The following SBNO1 variants were observed in gnomAD, a reference collection of about 807,000 sequenced individuals.
The protein encoded by SBNO1 is protein strawberry notch homolog 1.
Under a neutral mutation model 173.6 loss-of-function variants are expected in SBNO1, and 23 were observed. That is an observed-to-expected ratio of 0.13 (90% CI 0.10 to 0.19). The LOEUF is 0.19. Ranked by LOEUF, SBNO1 falls within the 10% of genes least tolerant of loss-of-function variation. The pLI, the probability that SBNO1 is intolerant of heterozygous loss-of-function variation, is 1.00. For missense variants in SBNO1, 1,238 were observed against 1,671.2 expected (o/e 0.74, Z 4.52); for synonymous variants, 632 against 571.5 (o/e 1.11, Z -1.51).
At chr12:123,352,709 A>C (rs555887841) in intron 1 of SBNO1, among the ~76,000 whole-genome samples, 1 of 152,352 alleles carries the variant, frequency 6.6e-6, no homozygotes, top group South Asian at 2.1e-4. Flanking sequence ...GTTCTAATGG[A>C]AACATGAGTG....
chr12:123,331,468 G>GTTATT, intron 7 of SBNO1, 93 bp from the exon 8 acceptor site: 3 of 560,526 alleles, frequency 5.4e-6, no homozygotes, highest in Non-Finnish European at 8.1e-6. Context: ...AATATGTTAT[G>GTTATT]TTTTTTGTTT....
chr12:123,352,833 T>C (rs1411096833), intron 1 of SBNO1, among the ~76,000 whole-genome samples: 7 of 152,148 alleles, frequency 4.6e-5, no homozygotes, highest in African/African-American at 1.7e-4. Context: ...AGTCTAGCTC[T>C]GTCACCCAGG....
At chr12:123,304,496 A>G (rs2048868862) in intron 29 of SBNO1, 86 bp downstream of exon 29, 5 of 1,059,644 alleles carry the variant, frequency 4.7e-6, no homozygotes, top group Non-Finnish European at 7.0e-6. Flanking sequence ...TCGGCCTCCC[A>G]AAGTGCTGAG....
chr12:123,342,141 C>T (rs1872641224), intron 4 of SBNO1, among the ~76,000 whole-genome samples: 1 of 152,046 alleles, frequency 6.6e-6, no homozygotes, highest in Non-Finnish European at 1.5e-5. Context: ...ATCCCAGCTA[C>T]TTGGGAGGCT....
chr12:123,311,552 G>A (rs573731050), intron 24 of SBNO1, among the ~76,000 whole-genome samples: 9 of 151,586 alleles, frequency 5.9e-5, no homozygotes, highest in Non-Finnish European at 8.8e-5. Context: ...TCGGGGTTTC[G>A]CCATGTTGGC....
At chr12:123,358,980 T>C (rs1874798095) in intron 1 of SBNO1, among the ~76,000 whole-genome samples, 2 of 151,628 alleles carry the variant, frequency 1.3e-5, no homozygotes, top group Non-Finnish European at 2.9e-5. Context: ...TCACCCAGGA[T>C]GGAGGGCAGA....
intron 30 of SBNO1, among the ~76,000 whole-genome samples, chr12:123,302,104 A>AT (rs200618906): frequency 8.2e-5 from 12 of 147,196 alleles, no homozygotes; most frequent in Middle Eastern, 3.5e-3. Context: ...CACCCAGCTA[A>AT]TTTTTTTTTT....
intron 3 of SBNO1, 34 bp downstream of exon 3, chr12:123,347,995 T>TTTAGAAGTAACGACGAATCTAAATCATTC: frequency 1.5e-6 from 2 of 1,357,586 alleles, no homozygotes; most frequent in Non-Finnish European, 2.1e-6. Context: ...TCTAAACTAT[T>TTTAGAAGTAACGACGAATCTAAATCATTC]TTAGAAGTAA....
Position 123,298,534 on chromosome 12 carries a change from C to T in SBNO1, c.3846-363G>A, listed in dbSNP as rs545105677. On this transcript the variant is annotated intron_variant, in intron 30 of 31. Coordinates refer to ENST00000602398, the MANE Select transcript of SBNO1 (RefSeq NM_001167856.3). ...CTTCCCAAAGGGCCGGGATTACAGG[C>T]GTGAGCCACCGCTCTTGGCCTCAAA... Among the ~76,000 whole-genome samples, 19 of 152,290 alleles carry T rather than the reference C, an allele frequency of 1.2e-4. No homozygotes were observed. In the South Asian group the frequency reaches 2.5e-3, roughly 20 times the overall value.
At chr12:123,335,282 T>C (rs189336368) in intron 6 of SBNO1, among the ~76,000 whole-genome samples, 2 of 152,076 alleles carry the variant, frequency 1.3e-5, no homozygotes, top group African/African-American at 4.8e-5. Context: ...CTACTAAAAA[T>C]ACAAAAATCA....
In SBNO1 at chr12:123,362,954, G is replaced by A. The variant is rs574741133; in HGVS notation, c.-1+1747C>T. Among the ~76,000 whole-genome samples the A allele has an allele frequency of 2.2e-4, 34 of 151,880 alleles. No individual in the cohort carries two copies. In the East Asian group the frequency reaches 5.6e-3, roughly 25 times the overall value. Reference sequence around the variant, plus strand: ...AAAAAAAAAATTAGCTGCTGTAGTGGTGCACATCTGTAGTCCCAGCTACTC... The same window carrying A: ...AAAAAAAAAATTAGCTGCTGTAGTGATGCACATCTGTAGTCCCAGCTACTC... On this transcript the variant is annotated intron_variant, in intron 1 of 31. Transcript: ENST00000602398.
In SBNO1 at chr12:123,320,701, G is replaced by C. The variant is rs750861268; in HGVS notation, c.2489C>G (p.Pro830Arg). ...PVISPAPNST[P>R]ANSNTNSNSS... Reference sequence around the variant, plus strand: ...AAAGGAAGTTTCTGTATGGATACCTGGTGTACTGTTAGGAGCAGGTGAGAT... The same window carrying C: ...AAAGGAAGTTTCTGTATGGATACCTCGTGTACTGTTAGGAGCAGGTGAGAT... The change falls in exon 18 of 32, where the codon CCA becomes CGA. Residue 830 changes from proline (P) to arginine (R), a missense_variant and splice_region_variant. By Grantham distance (103) the Pro-to-Arg change is moderately radical. Transcript: ENST00000602398. 6.9e-6 allele frequency: 11 copies of C among 1,602,994 alleles called. No individual in the cohort carries two copies. The South Asian group carries it at 1.2e-4, about 18-fold the overall frequency.
In SBNO1 at chr12:123,293,944, G is replaced by C. The variant is rs774959755; in HGVS notation, c.*1964C>G. 1 of 152,338 alleles carries C rather than the reference G, an allele frequency of 6.6e-6. No individual in the cohort carries two copies. The highest frequency in any genetic ancestry group is 1.9e-4 in the East Asian group (1 of 5,180). 9.4% of individuals were successfully genotyped at this position (152,338 alleles called of 1,614,324 possible). A position where few individuals can be genotyped will look rare whatever the true frequency, so the allele number is the denominator to read the frequency against. On this transcript the variant is annotated 3_prime_UTR_variant, in exon 32 of 32. Transcript: ENST00000602398. Reference sequence around the variant, plus strand: ...AGTGGGGGACACTTCCATTGCTGATGGAAGCTGCCTACTGCTTTTAAAAAC... The same window carrying C: ...AGTGGGGGACACTTCCATTGCTGATCGAAGCTGCCTACTGCTTTTAAAAAC...
At chr12:123,351,650 T>C (rs907693911) in intron 1 of SBNO1, among the ~76,000 whole-genome samples, 1 of 151,750 alleles carries the variant, frequency 6.6e-6, no homozygotes, top group Non-Finnish European at 1.5e-5. Flanking sequence ...GAAGGATTAC[T>C]CAACAGCAAT....
intron 16 of SBNO1, among the ~76,000 whole-genome samples, 185 bp from the exon 17 acceptor site, chr12:123,321,917 T>C (rs181232070): frequency 1.3e-5 from 2 of 152,120 alleles, no homozygotes; most frequent in Admixed American, 1.3e-4. Context: ...AAAAATAAGG[T>C]TATAAACATT....
chr12:123,298,173 TAAGA>T lies in SBNO1; in HGVS notation c.3846-6_3846-3del, dbSNP rs758645090. 6.2e-7 allele frequency: 1 copy of T among 1,609,716 alleles called. No homozygotes were observed. Among genetic ancestry groups the T allele is most frequent in the Non-Finnish European group, 8.5e-7 (1 of 1,178,968 alleles). On this transcript the variant is annotated splice_region_variant and splice_polypyrimidine_tract_variant and intron_variant, in intron 30 of 31. Coordinates refer to ENST00000602398, the MANE Select transcript of SBNO1 (RefSeq NM_001167856.3). ...CTTGCTTTTTTGCAATTGCCGCGCCTAAGAAAAATGGGAAAGAAATACATATGAG... is the reference window on the plus strand; with the variant it reads ...CTTGCTTTTTTGCAATTGCCGCGCCTAAAATGGGAAAGAAATACATATGAG...
At chr12:123,332,304 TG>T in intron 7 of SBNO1, among the ~76,000 whole-genome samples, 1 of 152,296 alleles carries the variant, frequency 6.6e-6, no homozygotes, top group East Asian at 1.9e-4. Flanking sequence ...TGTTTTGTTT[TG>T]TTTTTGAGAC....
chr12:123,324,597 C>T (rs1020212148), intron 15 of SBNO1, among the ~76,000 whole-genome samples: 1 of 152,058 alleles, frequency 6.6e-6, no homozygotes, highest in African/African-American at 2.4e-5. Flanking sequence ...GCCTGGATTA[C>T]AGGCGTGAGC....
intron 5 of SBNO1, among the ~76,000 whole-genome samples, chr12:123,339,017 T>C (rs537909553): frequency 2.6e-5 from 4 of 151,720 alleles, no homozygotes; most frequent in East Asian, 2.0e-4. Flanking sequence ...TGGTATATAA[T>C]GGACTGAAAT....
Sources: gnomAD v4.1 joint callset for allele counts (sites outside exome capture counted in the v4.1 genomes callset) on GRCh38, gnomAD v4.1.1 for gene constraint, MANE v1.5 for transcripts, NCBI Gene and HGNC (gene_info 2026-07-23, HGNC 2026-07-21) for gene names.